Variants in SLC38A8 observed in about 807,000 individuals in gnomAD.
The protein encoded by SLC38A8 is amino acid transporter SLC38A8.
Under a neutral mutation model 46.0 loss-of-function variants are expected in SLC38A8, and 65 were observed. The observed-to-expected ratio is 1.41, with a 90% CI of 1.16 to 1.74. SLC38A8 has a LOEUF of 1.74. Among genes scored for constraint, SLC38A8 ranks in the 40% most tolerant of loss-of-function variants. The pLI, the probability that SLC38A8 is intolerant of heterozygous loss-of-function variation, is 0.00. For missense variants in SLC38A8, 998 were observed against 567.9 expected, an observed-to-expected ratio of 1.76 and a Z score of -7.70; for synonymous variants, 447 against 243.7, an observed-to-expected ratio of 1.83 and a Z score of -7.77.
At chr16:84,031,691 G>A (rs2085240035) in intron 5 of SLC38A8, among the ~76,000 whole-genome samples, 176 bp downstream of exon 5, 1 of 145,700 alleles carries the variant, frequency 6.9e-6, no homozygotes. Context: ...GGTCCCTGCA[G>A]CAGAAGGAGA....
At chr16:84,042,872 C>CG (rs35081335), upstream of SLC38A8, among the ~76,000 whole-genome samples, 31,742 of 152,100 alleles carry the variant, frequency 0.21, 3,557 homozygotes, top group African/African-American at 0.26. Flanking sequence ...GGCCCGGCCC[C>CG]GGGGGTGGAG....
At chr16:84,016,001 A>C (rs1416471814) in intron 9 of SLC38A8, among the ~76,000 whole-genome samples, 1 of 152,186 alleles carries the variant, frequency 6.6e-6, no homozygotes, top group African/African-American at 2.4e-5. Flanking sequence ...ATTTATAAAG[A>C]AAAGAGGTTT....
chr16:84,041,725 A>T (rs1008776273), intron 2 of SLC38A8, among the ~76,000 whole-genome samples: 35 of 152,162 alleles, frequency 2.3e-4, no homozygotes, highest in African/African-American at 7.2e-4. Context: ...CAGAGCTGCG[A>T]TGCCTGTAGC....
At position 84,013,029 on chromosome 16, in the gene SLC38A8, C is replaced by A; in HGVS notation, c.1186G>T (p.Gly396Cys). 6.2e-7 allele frequency: 1 copy of A among 1,614,160 alleles called. No homozygotes were observed. Among genetic ancestry groups the A allele is most frequent in the Non-Finnish European group, 8.5e-7 (1 of 1,180,008 alleles). Residue 396 changes from glycine (G) to cysteine (C), a missense_variant, in exon 10 of 11, where the codon GGT (glycine) becomes TGT (cysteine). Physicochemically the swap from Gly to Cys is radical, Grantham distance 159. Transcript: ENST00000299709. ...ACTCTTGGTCCTATAGGCTCGACAC[C>A]CATTGCACAGATGAGGCACAAACCT... ...FPGLCLICAM[G>C]VEPIGPRVKC...
chr16:84,040,784 C>T (rs1269573795), intron 2 of SLC38A8, among the ~76,000 whole-genome samples: 1 of 152,214 alleles, frequency 6.6e-6, no homozygotes, highest in African/African-American at 2.4e-5. Context: ...CCCAGAGACA[C>T]ATGACCCTCC....
At chr16:84,030,619 A>C (rs1046808554) in intron 5 of SLC38A8, among the ~76,000 whole-genome samples, 3 of 152,082 alleles carry the variant, frequency 2.0e-5, no homozygotes, top group African/African-American at 7.2e-5. Context: ...CTAATCCAGG[A>C]AACAGCATCT....
In SLC38A8 at chr16:84,036,758, T is replaced by C. The variant is rs373620867; in HGVS notation, c.332A>G (p.Asn111Ser). 5 of 1,613,868 alleles carry C rather than the reference T, an allele frequency of 3.1e-6. No homozygotes were observed. Among genetic ancestry groups the C allele is most frequent in the South Asian group, 1.1e-5 (1 of 91,054 alleles). Reference sequence around the variant, plus strand: ...GAAGGCCACGGAGATCATGAGCAGGTTGAGGAGGAAGCAGGCCTCACACAG... The same window carrying C: ...GAAGGCCACGGAGATCATGAGCAGGCTGAGGAGGAAGCAGGCCTCACACAG... Reference protein sequence around the residue: ...GKLCEACFLLNLLMISVAFLR... With the variant: ...GKLCEACFLLSLLMISVAFLR... Residue 111 changes from asparagine to serine, a missense_variant, in exon 3 of 11, where the codon AAC (asparagine) becomes AGC (serine). Coordinates refer to ENST00000299709, the MANE Select transcript of SLC38A8 (RefSeq NM_001080442.3).
At chr16:84,031,795 A>AAGACTCCCCTCAC in intron 5 of SLC38A8, 72 bp downstream of exon 5, 3 of 1,313,816 alleles carry the variant, frequency 2.3e-6, no homozygotes, top group South Asian at 1.2e-5. Context: ...CTCCTCCTCC[A>AAGACTCCCCTCAC]AGACTCCCCT....
intron 6 of SLC38A8, among the ~76,000 whole-genome samples, chr16:84,026,087 G>A (rs529611338): frequency 7.9e-5 from 12 of 152,374 alleles, no homozygotes; most frequent in Middle Eastern, 3.4e-3. Context: ...GAGGTGGGGA[G>A]TCCCCGAACG....
intron 8 of SLC38A8, among the ~76,000 whole-genome samples, 183 bp from the exon 9 acceptor site, chr16:84,016,910 A>G (rs1015081140): frequency 2.0e-5 from 3 of 152,164 alleles, no homozygotes; most frequent in African/African-American, 2.4e-5. Context: ...CGGGCAGCCC[A>G]TGGGGCAGGG....
intron 2 of SLC38A8, among the ~76,000 whole-genome samples, chr16:84,038,424 C>G (rs1372612912): frequency 6.6e-6 from 1 of 152,200 alleles, no homozygotes; most frequent in Non-Finnish European, 1.5e-5. Flanking sequence ...TTTGACTCCT[C>G]TACCCTTCCA....
Position 84,039,516 on chromosome 16 carries a change from G to A in SLC38A8, c.189+2453C>T, listed in dbSNP as rs565432365. Reference sequence around the variant, plus strand: ...TCCCAGCACTTTGGGAGGCCAAGGCGGGTGGATCACCTGAGGTCAGGAGAT... The same window carrying A: ...TCCCAGCACTTTGGGAGGCCAAGGCAGGTGGATCACCTGAGGTCAGGAGAT... On this transcript the variant is annotated intron_variant, in intron 2 of 10. Transcript: ENST00000299709. Among the ~76,000 whole-genome samples the A allele has an allele frequency of 5.3e-5, 8 of 152,176 alleles. No homozygotes were observed. The South Asian group carries it at 6.2e-4, about 12-fold the overall frequency.
intron 2 of SLC38A8, 79 bp from the exon 3 acceptor site, chr16:84,036,979 C>A: frequency 7.1e-7 from 1 of 1,398,612 alleles, no homozygotes; most frequent in Non-Finnish European, 9.8e-7. Context: ...CTCGGGCACA[C>A]TCTCCACATG....
chr16:84,021,177 C>T (rs943130531), intron 7 of SLC38A8, among the ~76,000 whole-genome samples: 4 of 152,298 alleles, frequency 2.6e-5, no homozygotes, highest in African/African-American at 9.6e-5. Flanking sequence ...ATACTCCTGC[C>T]TCAACCTCCC....
At chr16:84,012,910 G>C in intron 10 of SLC38A8, 91 bp downstream of exon 10, 8 of 1,377,370 alleles carry the variant, frequency 5.8e-6, no homozygotes, top group Non-Finnish European at 7.1e-6. Flanking sequence ...GGATGCAGAG[G>C]ATGAGAAATA....
intron 2 of SLC38A8, among the ~76,000 whole-genome samples, chr16:84,038,558 T>C (rs771467353): frequency 1.6e-4 from 25 of 152,238 alleles, no homozygotes; most frequent in South Asian, 6.2e-4. Context: ...GCTTGATGTT[T>C]GTTCATTCAC....
rs1395043352 is a variant in SLC38A8, at chr16:84,033,434, G to A, written c.424C>T (p.Pro142Ser). ...DSLLSGTPPA[P>S]QPWYADQRFT... ...CGCTGGTCTGCGTACCACGGCTGCG[G>A]GGCGGGCGGGGTGCCAGACAGGAGG... Residue 142 changes from proline (P) to serine (S), a missense_variant, in exon 4 of 11, where the codon CCG (proline) becomes TCG (serine). Physicochemically the swap from Pro to Ser is moderately conservative, Grantham distance 74 (BLOSUM62 -1). Transcript: ENST00000299709. 4 of 1,611,130 alleles carry A rather than the reference G, an allele frequency of 2.5e-6. No homozygotes were observed. The highest frequency in any genetic ancestry group is 2.2e-5 in the East Asian group (1 of 44,840).
intron 2 of SLC38A8, 107 bp from the exon 3 acceptor site, chr16:84,037,007 G>A (rs1193409799): frequency 2.6e-6 from 3 of 1,166,898 alleles, no homozygotes; most frequent in East Asian, 5.2e-5. Context: ...ATCCACAGAG[G>A]CCAGGGCTGC....
Position 84,009,885 on chromosome 16 carries a change from G to A in SLC38A8, c.1215-8C>T, listed in dbSNP as rs1242219395. The A allele has an allele frequency of 1.2e-6, 2 of 1,611,468 alleles. No homozygotes were observed. Among genetic ancestry groups the A allele is most frequent in the South Asian group, 1.1e-5 (1 of 90,660 alleles). On this transcript the variant is annotated splice_region_variant and splice_polypyrimidine_tract_variant and intron_variant, in intron 10 of 10. Transcript: ENST00000299709. ...CAGACCTCCAGGCAGCACCTGCCAA[G>A]TGAATAAACCCATGTCAGAGCTTTT...
Sources: allele counts gnomAD v4.1 joint callset (sites outside exome capture counted in the v4.1 genomes callset), GRCh38; gene constraint gnomAD v4.1.1; transcripts MANE v1.5; gene names NCBI Gene and HGNC (gene_info 2026-07-23, HGNC 2026-07-21).